The following GRIK4 variants were observed in gnomAD, a reference collection of about 807,000 sequenced individuals.
GRIK4 encodes glutamate ionotropic receptor kainate type subunit 4.
Under a neutral mutation model 104.9 loss-of-function variants are expected in GRIK4, and 40 were observed. The ratio of observed to expected loss-of-function variants is 0.38; its 90% CI spans 0.30 to 0.50. The LOEUF is 0.50. GRIK4 is among the 20% of genes least tolerant of loss of function. The probability of loss-of-function intolerance (pLI) is 0.93; values close to 1 mark genes in which losing one functional copy is unlikely to be tolerated. For synonymous variants in GRIK4, 485 were observed against 524.9 expected (o/e 0.92, Z 1.04); for missense variants, 1,047 against 1,308.1 (o/e 0.80, Z 3.08).
chr11:120,521,670 T>TC (rs1565536711), intron 1 of GRIK4, among the ~76,000 whole-genome samples: 1 of 152,172 alleles, frequency 6.6e-6, no homozygotes, highest in Non-Finnish European at 1.5e-5. Flanking sequence ...CACCTGCTAT[T>TC]CCCAAGGTAG....
rs78677048 is a variant in GRIK4, at chr11:120,949,819, C to T, written c.1591-3036C>T. Among the ~76,000 whole-genome samples, 883 of 152,256 alleles carry T rather than the reference C, an allele frequency of 5.8e-3. 33 individuals are homozygous for T. Among genetic ancestry groups the T allele is most frequent in the East Asian group, 0.042 (216 of 5,190 alleles). On this transcript the variant is annotated intron_variant, in intron 14 of 20. Coordinates refer to ENST00000527524, the MANE Select transcript of GRIK4 (RefSeq NM_014619.5). ...TTGAAGCCATTGCCAATGATTTGAG[C>T]GAGGCACTTAACCTCCCTGGGTCCC...
intron 8 of GRIK4, among the ~76,000 whole-genome samples, chr11:120,846,135 A>T (rs1953847374): frequency 6.6e-6 from 1 of 152,242 alleles, no homozygotes; most frequent in Admixed American, 6.5e-5. Context: ...TCACAAGGGG[A>T]TTCAGGAGGC....
intron 1 of GRIK4, among the ~76,000 whole-genome samples, chr11:120,545,590 G>A (rs1948078387): frequency 6.6e-6 from 1 of 152,208 alleles, no homozygotes; most frequent in Admixed American, 6.5e-5. Flanking sequence ...CTTGGCAGAG[G>A]TCACACAGCG....
intron 3 of GRIK4, among the ~76,000 whole-genome samples, chr11:120,717,497 A>G (rs902610544): frequency 4.0e-5 from 6 of 151,898 alleles, no homozygotes; most frequent in African/African-American, 7.3e-5. Context: ...CTGCCAACAC[A>G]CATGTCCCAG....
At chr11:120,890,277 C>T (rs1955247865) in intron 11 of GRIK4, among the ~76,000 whole-genome samples, 1 of 152,164 alleles carries the variant, frequency 6.6e-6, no homozygotes, top group African/African-American at 2.4e-5. Flanking sequence ...GGTTAAATGC[C>T]TTACCCCAGC....
At position 120,956,203 on chromosome 11, in the gene GRIK4, CTTT is replaced by C. The variant is rs11329842; in HGVS notation, c.1701-564_1701-562del. ...CCTAGCCTCAGGGGCTCCACTTAATCTTTTTTTTTTTTTTTGAGACAGGGTCTC... is the reference window on the plus strand; with the variant it reads ...CCTAGCCTCAGGGGCTCCACTTAATCTTTTTTTTTTTTGAGACAGGGTCTC... On this transcript the variant is annotated intron_variant, in intron 15 of 20. Transcript: ENST00000527524. This position sits in a 1 kb window ranked among gnomAD's most constrained non-coding sequence, Gnocchi z 4.6. Among the ~76,000 whole-genome samples the C allele has an allele frequency of 9.1e-5, 13 of 142,912 alleles. No homozygotes were observed. The highest frequency in any genetic ancestry group is 1.4e-4 in the Admixed American group (2 of 14,422). 93.8% of individuals were successfully genotyped at this position (142,912 alleles called of 152,430 possible).
chr11:120,793,581 G>A (rs1036881847), intron 3 of GRIK4, among the ~76,000 whole-genome samples: 10 of 152,194 alleles, frequency 6.6e-5, no homozygotes, highest in Admixed American at 5.9e-4. Context: ...AGAGCCAGGG[G>A]CTGAGAGCAG....
Position 120,898,566 on chromosome 11 carries a change from T to G in GRIK4, c.1199T>G (p.Met400Arg), listed in dbSNP as rs145697277. 5.6e-5 allele frequency: 90 copies of G among 1,612,312 alleles called. No individual in the cohort carries two copies. The highest frequency in any genetic ancestry group is 7.6e-5 in the Non-Finnish European group (90 of 1,178,454). ...GQWHVAEGLS[M>R]DSHLYASNIS... ...TGGCACGTGGCAGAGGGCCTCAGCA[T>G]GGACAGCCACCTCTATGCCTCCAAC... is the stretch of plus-strand genomic sequence containing the variant. Residue 400 changes from methionine (M) to arginine (R), a missense_variant, in exon 12 of 21, where the codon ATG becomes AGG. Transcript: ENST00000527524.
chr11:120,898,968 A>G (rs115507652), intron 12 of GRIK4, among the ~76,000 whole-genome samples: 1,638 of 152,022 alleles, frequency 0.011, 34 homozygotes, highest in African/African-American at 0.037. Flanking sequence ...GACCCTGCGG[A>G]CCCCTGCCCC....
In GRIK4 at chr11:120,937,641, C is replaced by T. The variant is rs955825878; in HGVS notation, c.1477-2706C>T. On this transcript the variant is annotated intron_variant, in intron 13 of 20. Coordinates refer to ENST00000527524, the MANE Select transcript of GRIK4 (RefSeq NM_014619.5). ...TGTGCCAGCAATGTGTGCATGAAGC[C>T]GGTTCCCTGTTTGTAGGGAAGTGTC... is the stretch of plus-strand genomic sequence containing the variant. Among the ~76,000 whole-genome samples, 3 of 152,106 alleles carry T rather than the reference C, an allele frequency of 2.0e-5. No homozygotes were observed. In the East Asian group the frequency reaches 5.8e-4, roughly 29 times the overall value.
chr11:120,748,064 T>C (rs534401400), intron 3 of GRIK4, among the ~76,000 whole-genome samples: 122 of 152,324 alleles, frequency 8.0e-4, no homozygotes, highest in South Asian at 3.3e-3. Context: ...AGAAGCGCCA[T>C]TGGGGACTGT....
intron 3 of GRIK4, among the ~76,000 whole-genome samples, chr11:120,753,206 T>C (rs1266587339): frequency 1.3e-5 from 2 of 152,108 alleles, no homozygotes; most frequent in African/African-American, 4.8e-5. Flanking sequence ...ATTGGAAGAA[T>C]TTGGTGCGGA....
intron 13 of GRIK4, among the ~76,000 whole-genome samples, chr11:120,928,714 G>A (rs781165906): frequency 3.5e-4 from 54 of 152,248 alleles, no homozygotes; most frequent in South Asian, 2.1e-3. Flanking sequence ...GCCCTGTGCC[G>A]AGCCAACTAA....
intron 1 of GRIK4, among the ~76,000 whole-genome samples, chr11:120,649,822 A>G (rs1408450984): frequency 1.3e-5 from 2 of 152,208 alleles, no homozygotes; most frequent in African/African-American, 4.8e-5. Context: ...TGCTGTCCTT[A>G]AAAGTTGTTC....
At position 120,940,451 on chromosome 11, in the gene GRIK4, C is replaced by T. The variant is rs201601103; in HGVS notation, c.1581C>T (p.Arg527=). Residue 527 remains arginine (R), a synonymous_variant, in exon 14 of 21, where the codon CGC becomes CGT. Coordinates refer to ENST00000527524, the MANE Select transcript of GRIK4 (RefSeq NM_014619.5). The surrounding 1 kb of genome is among the most constrained non-coding windows in gnomAD (Gnocchi z 4.3). ...CTCTGGGAATTAGCATTCTTTACCG[C>T]GTTCATATGGTAAGAGACTTATTTT... ...FMTLGISILY[R]VHMGRKPGYF... 5.7e-5 allele frequency: 90 copies of T among 1,574,524 alleles called. No individual in the cohort carries two copies. Among genetic ancestry groups the T allele is most frequent in the Non-Finnish European group, 5.9e-5 (68 of 1,144,426 alleles).
At chr11:120,793,395 C>T (rs1952440901) in intron 3 of GRIK4, among the ~76,000 whole-genome samples, 1 of 152,072 alleles carries the variant, frequency 6.6e-6, no homozygotes, top group East Asian at 1.9e-4. Context: ...GGGGAGCCAG[C>T]AGGCCTCGGG....
intron 1 of GRIK4, among the ~76,000 whole-genome samples, chr11:120,614,252 T>C (rs1180435122): frequency 6.6e-6 from 1 of 152,204 alleles, no homozygotes; most frequent in East Asian, 1.9e-4. Context: ...AAGGGGGTTA[T>C]GGTTTTTTAA....
chr11:120,579,146 A>G (rs1948528632), intron 1 of GRIK4, among the ~76,000 whole-genome samples: 1 of 152,172 alleles, frequency 6.6e-6, no homozygotes, highest in Admixed American at 6.5e-5. Context: ...CCAGCTGTGA[A>G]CAAGGCTGCA....
At chr11:120,516,594 G>T in intron 1 of GRIK4, among the ~76,000 whole-genome samples, 1 of 151,982 alleles carries the variant, frequency 6.6e-6, no homozygotes, top group Non-Finnish European at 1.5e-5. Flanking sequence ...GTGAAGATTC[G>T]TGGGCAGAGG....
Sources: allele counts gnomAD v4.1 joint callset (sites outside exome capture counted in the v4.1 genomes callset), GRCh38; gene constraint gnomAD v4.1.1; non-coding constraint Gnocchi (gnomAD v3.1); transcripts MANE v1.5; gene names NCBI Gene and HGNC (gene_info 2026-07-23, HGNC 2026-07-21).